Variants in HRK observed in about 807,000 individuals in gnomAD.
HRK encodes the protein harakiri, BCL2 interacting protein, also known as activator of apoptosis harakiri.
A neutral mutation model predicts 5.9 loss-of-function variants in HRK; 6 were observed. The observed-to-expected ratio is 1.02, with a 90% CI of 0.56 to 2.01. The LOEUF is 2.01. Ranked by LOEUF, HRK falls within the 30% of genes most tolerant of loss-of-function variation. The pLI is 0.00. For synonymous variants in HRK, 85 were observed against 65.1 expected (o/e 1.31, Z -1.47); for missense variants, 133 against 128.3 (o/e 1.04, Z -0.18).
intron 1 of HRK, among the ~76,000 whole-genome samples, chr12:116,875,630 G>A (rs1280871185): frequency 2.0e-5 from 3 of 151,876 alleles, no homozygotes; most frequent in African/African-American, 4.8e-5. Flanking sequence ...TGCAACCTCC[G>A]CCTCCTGGGT....
rs896941411 is a variant in HRK, at chr12:116,878,041, G to A, written c.*56+2935C>T. ...AGCGATTCTCCTGCCTCAGCCTCCC[G>A]AGTAGCTGGGATTACAGGTGTGCAC... On this transcript the variant is annotated intron_variant, in intron 1 of 1. Transcript: ENST00000257572. The surrounding 1 kb of genome is among the most constrained non-coding windows in gnomAD (Gnocchi z 4.4). Among the ~76,000 whole-genome samples, 4 of 152,164 alleles carry A rather than the reference G, an allele frequency of 2.6e-5. No homozygotes were observed. Among genetic ancestry groups the A allele is most frequent in the Non-Finnish European group, 5.9e-5 (4 of 67,994 alleles).
chr12:116,876,405 C>T (rs938518686), intron 1 of HRK, among the ~76,000 whole-genome samples: 1 of 152,234 alleles, frequency 6.6e-6, no homozygotes, highest in African/African-American at 2.4e-5. Flanking sequence ...CCCCAAAGTA[C>T]CTGCCAAGAA....
rs1879148346 is a variant in HRK at position 116,881,293 on chromosome 12, G to C, written c.15C>G (p.Pro5=). Residue 5 remains proline (P), a synonymous_variant, in exon 1 of 2, where the codon CCC becomes CCG. Transcript: ENST00000257572. MCPC[P]LHRGRGPPAV... is the part of the protein sequence containing the mutation. ...CCGGGGGGCCGCGGCCGCGGTGCAG[G>C]GGGCACGGGCACATGACCGCTGGCC... 1 of 1,071,258 alleles carries C rather than the reference G, an allele frequency of 9.3e-7. No individual in the cohort carries two copies. Among genetic ancestry groups the C allele is most frequent in the Non-Finnish European group, 1.1e-6 (1 of 887,224 alleles). The allele number at this position is 1,071,258 out of a possible 1,614,324, so 66.4% of individuals were successfully genotyped here.
intron 1 of HRK, 91 bp downstream of exon 1, chr12:116,880,885 G>A: frequency 2.2e-6 from 1 of 445,482 alleles, no homozygotes; most frequent in Non-Finnish European, 3.6e-6. Flanking sequence ...AAAGAAGAAA[G>A]CCAAACTTGC....
Position 116,856,236 on chromosome 12 carries a change from G to A in HRK, c.*5287C>T, listed in dbSNP as rs1878139479. 2.0e-5 allele frequency: 3 copies of A among 152,186 alleles called. No individual in the cohort carries two copies. The highest frequency in any genetic ancestry group is 2.1e-4 in the South Asian group (1 of 4,832). 9.4% of individuals were successfully genotyped at this position (152,186 alleles called of 1,614,324 possible). On this transcript the variant is annotated 3_prime_UTR_variant, in exon 2 of 2. Coordinates refer to ENST00000257572, the MANE Select transcript of HRK (RefSeq NM_003806.4). The surrounding 1 kb of genome is among the most constrained non-coding windows in gnomAD (Gnocchi z 4.4). ...AATTCCTCTTACAAAAGAGCACAACGACGTCAGAACCAACAACGTCAGAAC... is the reference window on the plus strand; with the variant it reads ...AATTCCTCTTACAAAAGAGCACAACAACGTCAGAACCAACAACGTCAGAAC...
intron 1 of HRK, among the ~76,000 whole-genome samples, chr12:116,876,979 C>G (rs1878956708): frequency 6.6e-6 from 1 of 152,226 alleles, no homozygotes; most frequent in Admixed American, 6.5e-5. Flanking sequence ...CCTCGGCTTC[C>G]CCTTTGAATT....
At chr12:116,863,198 G>C in intron 1 of HRK, among the ~76,000 whole-genome samples, 1 of 152,220 alleles carries the variant, frequency 6.6e-6, no homozygotes, top group Non-Finnish European at 1.5e-5. Flanking sequence ...TTCTGGGTTT[G>C]AAAAAGTCTG....
At position 116,860,625 on chromosome 12, in the gene HRK, G is replaced by A. The variant is rs1878325497; in HGVS notation, c.*898C>T. The A allele has an allele frequency of 6.6e-6, 1 of 151,578 alleles. No homozygotes were observed. The allele number at this position is 151,578 out of a possible 1,614,324, so 9.4% of individuals were successfully genotyped here. On this transcript the variant is annotated 3_prime_UTR_variant, in exon 2 of 2. Coordinates refer to ENST00000257572, the MANE Select transcript of HRK (RefSeq NM_003806.4). ...GCCATCCTCCCTCCTAGACCCCAAGGTTTGCTCCAAACCACCTCTGGATAT... is the reference window on the plus strand; with the variant it reads ...GCCATCCTCCCTCCTAGACCCCAAGATTTGCTCCAAACCACCTCTGGATAT...
chr12:116,869,962 C>T (rs1445987693), intron 1 of HRK, among the ~76,000 whole-genome samples: 1 of 152,160 alleles, frequency 6.6e-6, no homozygotes, highest in African/African-American at 2.4e-5. Flanking sequence ...CACCTGTAAT[C>T]CCAGCTACTC....
intron 1 of HRK, among the ~76,000 whole-genome samples, chr12:116,865,264 G>A (rs919367911): frequency 1.6e-4 from 25 of 152,240 alleles, no homozygotes; most frequent in Admixed American, 6.5e-4. Flanking sequence ...AACCTTGGCC[G>A]GGTGTGGTGG....
chr12:116,870,336 T>C (rs1432946970), intron 1 of HRK, among the ~76,000 whole-genome samples: 1 of 152,152 alleles, frequency 6.6e-6, no homozygotes, highest in East Asian at 1.9e-4. Context: ...CTTTCCAGAT[T>C]AGTGACATTA....
chr12:116,881,170 C>G lies in HRK; in HGVS notation c.138G>C (p.Gln46His). 1.7e-6 allele frequency: 2 copies of G among 1,169,744 alleles called. No individual in the cohort carries two copies. Among genetic ancestry groups the G allele is most frequent in the South Asian group, 4.1e-5 (1 of 24,526 alleles). 72.5% of individuals were successfully genotyped at this position (1,169,744 alleles called of 1,614,324 possible). ...GCGCGCGGCGCCGCCACATGGTGCG[C>G]TGGTGCAGCTCGTCGCCTAGCGCCT... is the stretch of plus-strand genomic sequence containing the variant. The part of the protein sequence containing the change: ...RLKALGDELH[Q>H]RTMWRRRARS... The change falls in exon 1 of 2, where the codon CAG becomes CAC. Residue 46 changes from glutamine to histidine, a missense_variant. Gln to His is a conservative substitution (Grantham distance 24). Coordinates refer to ENST00000257572, the MANE Select transcript of HRK (RefSeq NM_003806.4).
chr12:116,859,432 G>T lies in HRK; in HGVS notation c.*2091C>A, dbSNP rs904816866. ...GGGAGCTGGAAAGACCCTAGTCTGTGGCTAAGAAAGTGATTAAATAGAAGC... is the reference window on the plus strand; with the variant it reads ...GGGAGCTGGAAAGACCCTAGTCTGTTGCTAAGAAAGTGATTAAATAGAAGC... On this transcript the variant is annotated 3_prime_UTR_variant, in exon 2 of 2. Coordinates refer to ENST00000257572, the MANE Select transcript of HRK (RefSeq NM_003806.4). 4.6e-5 allele frequency: 7 copies of T among 152,080 alleles called. No individual in the cohort carries two copies. The highest frequency in any genetic ancestry group is 1.7e-4 in the African/African-American group (7 of 41,412). The allele number at this position is 152,080 out of a possible 1,614,324, so 9.4% of individuals were successfully genotyped here.
Position 116,860,481 on chromosome 12 carries a change from T to G in HRK, c.*1042A>C, listed in dbSNP as rs575006800. On this transcript the variant is annotated 3_prime_UTR_variant, in exon 2 of 2. Coordinates refer to ENST00000257572, the MANE Select transcript of HRK (RefSeq NM_003806.4). The stretch of plus-strand genomic sequence containing the variant: ...TAAAACCTAAACCCTGAAATCCCCT[T>G]GGGGAGTGGAGGAGGCTGTGGGCTG... 2.6e-5 allele frequency: 4 copies of G among 152,180 alleles called. No homozygotes were observed. The highest frequency in any genetic ancestry group is 9.6e-5 in the African/African-American group (4 of 41,512). The allele number at this position is 152,180 out of a possible 1,614,324, so 9.4% of individuals were successfully genotyped here.
chr12:116,862,238 C>G lies in HRK; in HGVS notation c.*57-772G>C, dbSNP rs1878392136. Among the ~76,000 whole-genome samples, 1 of 152,196 alleles carries G rather than the reference C, an allele frequency of 6.6e-6. No individual in the cohort carries two copies. Among genetic ancestry groups the G allele is most frequent in the Non-Finnish European group, 1.5e-5 (1 of 68,036 alleles). On this transcript the variant is annotated intron_variant, in intron 1 of 1. Coordinates refer to ENST00000257572, the MANE Select transcript of HRK (RefSeq NM_003806.4). This position sits in a 1 kb window ranked among gnomAD's most constrained non-coding sequence, Gnocchi z 4.0. ...AGAAAAAACAGCCCATACCCAGGAG[C>G]ATCCACCACAGAATGCACAAAATGT...
chr12:116,876,647 C>G (rs948626181), intron 1 of HRK: 2 of 152,284 alleles, frequency 1.3e-5, no homozygotes, highest in East Asian at 1.9e-4. Context: ...CCCAGGCACG[C>G]TTCTCCCTCC....
At chr12:116,873,366 A>G (rs1188782657) in intron 1 of HRK, among the ~76,000 whole-genome samples, 1 of 152,138 alleles carries the variant, frequency 6.6e-6, no homozygotes, top group Admixed American at 6.6e-5. Context: ...TTTGTCATCA[A>G]GAAAAAGTTA....
intron 1 of HRK, among the ~76,000 whole-genome samples, chr12:116,870,945 G>A (rs956725869): frequency 3.3e-5 from 5 of 152,230 alleles, no homozygotes; most frequent in Non-Finnish European, 5.9e-5. Flanking sequence ...TTGAGACAGA[G>A]TCTCGCTCTG....
rs1160034056 is a variant in HRK, at chr12:116,881,201, C to T, written c.107G>A (p.Arg36Gln). Residue 36 changes from arginine to glutamine, a missense_variant, in exon 1 of 2, where the codon CGG (arginine) becomes CAG (glutamine). Transcript: ENST00000257572. Reference sequence around the variant, plus strand: ...CAGCTCGTCGCCTAGCGCCTTGAGCCGGGCGGCGGTGAGCTGCGCGGCGGA... The same window carrying T: ...CAGCTCGTCGCCTAGCGCCTTGAGCTGGGCGGCGGTGAGCTGCGCGGCGGA... ...RSSAAQLTAARLKALGDELHQ... is the reference protein window; with the variant it reads ...RSSAAQLTAAQLKALGDELHQ... The T allele has an allele frequency of 3.9e-5, 44 of 1,135,158 alleles. No individual in the cohort carries two copies. The South Asian group carries it at 4.3e-4, about 11-fold the overall frequency. 70.3% of individuals were successfully genotyped at this position (1,135,158 alleles called of 1,614,324 possible). A position where few individuals can be genotyped will look rare whatever the true frequency, so the allele number is the denominator to read the frequency against.
Sources: allele counts gnomAD v4.1 joint callset (sites outside exome capture counted in the v4.1 genomes callset), GRCh38; gene constraint gnomAD v4.1.1; non-coding constraint Gnocchi (gnomAD v3.1); transcripts MANE v1.5; gene names NCBI Gene and HGNC (gene_info 2026-07-23, HGNC 2026-07-21).